NANP: variants seen among roughly 807,000 people sequenced by gnomAD.
NANP encodes N-acylneuraminate-9-phosphatase.
NANP carries 15 observed loss-of-function variants against 16.9 expected under a neutral mutation model. That is an observed-to-expected ratio of 0.89 (90% confidence interval 0.59 to 1.37). NANP has a LOEUF of 1.37. Among genes scored for constraint, NANP ranks in the 40% most tolerant of loss-of-function variants. The pLI is 0.00. For synonymous variants in NANP, 135 were observed against 112.6 expected, an observed-to-expected ratio of 1.20 and a Z score of -1.26; for missense variants, 290 against 303.5, an observed-to-expected ratio of 0.96 and a Z score of 0.33.
At position 25,623,894 on chromosome 20, in the gene NANP, C is replaced by G. The variant is rs1173093029; in HGVS notation, c.55G>C (p.Asp19His). ...VFFDLDNTLI[D>H]TAGASRRGML... ...CCTCTCCTGCTCGCCCCGGCCGTGT[C>G]GATGAGAGTGTTGTCCAAGTCAAAG... Residue 19 changes from aspartate to histidine, a missense_variant, in exon 1 of 2, where the codon GAC (aspartate) becomes CAC (histidine). By Grantham distance (81) the Asp-to-His change is moderately conservative. Transcript: ENST00000304788. The G allele has an allele frequency of 1.2e-6, 2 of 1,613,460 alleles. No homozygotes were observed. Among genetic ancestry groups the G allele is most frequent in the East Asian group, 4.5e-5 (2 of 44,848 alleles).
In NANP at chr20:25,623,955, G is replaced by C. The variant is rs367763121; in HGVS notation, c.-7C>G. The C allele has an allele frequency of 1.6e-5, 26 of 1,611,500 alleles. No individual in the cohort carries two copies. Among genetic ancestry groups the C allele is most frequent in the African/African-American group, 2.7e-5 (2 of 74,862 alleles). ...GCACGCGGCTCAGCCCCATAGCGCC[G>C]GCCGCTGGCGCGAACCGTAGCCTTG... On this transcript the variant is annotated 5_prime_UTR_variant, in exon 1 of 2. Transcript: ENST00000304788.
intron 1 of NANP, among the ~76,000 whole-genome samples, chr20:25,620,465 C>T (rs1304816894): frequency 6.6e-6 from 1 of 152,202 alleles, no homozygotes; most frequent in East Asian, 1.9e-4. Context: ...CTTCTGTCTG[C>T]TCCCTAGACC....
chr20:25,613,425 A>G lies in NANP; in HGVS notation c.*2500T>C, dbSNP rs1053299203. On this transcript the variant is annotated 3_prime_UTR_variant, in exon 2 of 2. Transcript: ENST00000304788. ...GGTATTCCAGGTGCAGTGTCCATTC[A>G]TGTCTGTTCTAGGCCCACCTCTGTA... The G allele has an allele frequency of 1.9e-5, 3 of 158,002 alleles. No homozygotes were observed. Among genetic ancestry groups the G allele is most frequent in the Non-Finnish European group, 4.2e-5 (3 of 72,192 alleles). 9.8% of individuals were successfully genotyped at this position (158,002 alleles called of 1,614,324 possible).
chr20:25,623,745 G>A, intron 1 of NANP, 114 bp downstream of exon 1: 1 of 1,062,238 alleles, frequency 9.4e-7, no homozygotes, highest in Non-Finnish European at 1.4e-6. Context: ...GTTTCAACCA[G>A]CAAGAGCGGC....
At chr20:25,621,765 G>A (rs1340500326) in intron 1 of NANP, among the ~76,000 whole-genome samples, 2 of 152,326 alleles carry the variant, frequency 1.3e-5, no homozygotes, top group East Asian at 3.9e-4. Flanking sequence ...GTGTTAGCCA[G>A]GATGGTCTCC....
At chr20:25,623,781 T>G in intron 1 of NANP, 78 bp downstream of exon 1, 1 of 1,360,500 alleles carries the variant, frequency 7.4e-7, no homozygotes. Flanking sequence ...GGAAGTGGGG[T>G]CAAGGGGAGG....
rs912990360 is a variant in NANP at position 25,613,937 on chromosome 20, T to C, written c.*1988A>G. On this transcript the variant is annotated 3_prime_UTR_variant, in exon 2 of 2. Coordinates refer to ENST00000304788, the MANE Select transcript of NANP (RefSeq NM_152667.3). ...CCCCTGCAGCACACGCCAACCAATC[T>C]ATCAGAGCAATCATGCATGTGACTA... The C allele has an allele frequency of 3.8e-5, 15 of 397,994 alleles. No individual in the cohort carries two copies. The highest frequency in any genetic ancestry group is 3.1e-4 in the African/African-American group (15 of 48,612). The allele number at this position is 397,994 out of a possible 1,614,324, so 24.7% of individuals were successfully genotyped here. A position where few individuals can be genotyped will look rare whatever the true frequency, so the allele number is the denominator to read the frequency against.
intron 1 of NANP, among the ~76,000 whole-genome samples, chr20:25,619,803 A>G (rs998685851): frequency 6.6e-6 from 1 of 152,182 alleles, no homozygotes; most frequent in Non-Finnish European, 1.5e-5. Flanking sequence ...GGGCTGGCTC[A>G]TAATCAGCTC....
At chr20:25,618,208 G>C (rs2065351233) in intron 1 of NANP, among the ~76,000 whole-genome samples, 1 of 141,546 alleles carries the variant, frequency 7.1e-6, no homozygotes, top group Non-Finnish European at 1.5e-5. Flanking sequence ...GGGGGTGGGG[G>C]AAATGCCATG....
rs142058965 is a variant in NANP, at chr20:25,619,637, C to T, written c.91-3056G>A. Among the ~76,000 whole-genome samples, 69 of 152,204 alleles carry T rather than the reference C, an allele frequency of 4.5e-4. No individual in the cohort carries two copies. The East Asian group carries it at 0.012, about 26-fold the overall frequency. Reference sequence around the variant, plus strand: ...TATACATCTCTATGAACAAATAAAGCTTTCTCAATCTCCATGTTTATCTCA... The same window carrying T: ...TATACATCTCTATGAACAAATAAAGTTTTCTCAATCTCCATGTTTATCTCA... On this transcript the variant is annotated intron_variant, in intron 1 of 1. Transcript: ENST00000304788.
In NANP at chr20:25,613,758, ACAT is replaced by A; in HGVS notation, c.*2164_*2166del. 1 of 398,532 alleles carries A rather than the reference ACAT, an allele frequency of 2.5e-6. No homozygotes were observed. Among genetic ancestry groups the A allele is most frequent in the Non-Finnish European group, 4.4e-6 (1 of 226,030 alleles). The allele number at this position is 398,532 out of a possible 1,614,324, so 24.7% of individuals were successfully genotyped here. A position where few individuals can be genotyped will look rare whatever the true frequency, so the allele number is the denominator to read the frequency against. ...TTTAATTATTCAATTTTTTCCTTCT[ACAT>A]CATTTCTGCTGGAGAACTGCTCACT... On this transcript the variant is annotated 3_prime_UTR_variant, in exon 2 of 2. Coordinates refer to ENST00000304788, the MANE Select transcript of NANP (RefSeq NM_152667.3).
chr20:25,620,393 A>T (rs1421634992), intron 1 of NANP, among the ~76,000 whole-genome samples: 1 of 152,158 alleles, frequency 6.6e-6, no homozygotes, highest in African/African-American at 2.4e-5. Flanking sequence ...CTCAAACTTC[A>T]CCCACTTCAA....
chr20:25,622,602 CGA>C (rs1249438636), intron 1 of NANP, among the ~76,000 whole-genome samples: 1 of 152,102 alleles, frequency 6.6e-6, no homozygotes, highest in African/African-American at 2.4e-5. Flanking sequence ...ACATCTGCAG[CGA>C]GAGATACTGG....
At chr20:25,622,454 T>C (rs1771816338) in intron 1 of NANP, among the ~76,000 whole-genome samples, 1 of 152,240 alleles carries the variant, frequency 6.6e-6, no homozygotes, top group South Asian at 2.1e-4. Flanking sequence ...AGCTAGGTTT[T>C]GGGAGAGCTG....
At chr20:25,623,203 G>A (rs1278249304) in intron 1 of NANP, among the ~76,000 whole-genome samples, 1 of 152,168 alleles carries the variant, frequency 6.6e-6, no homozygotes, top group Non-Finnish European at 1.5e-5. Context: ...AAGCGCCTCC[G>A]CGCGTGTAGA....
At chr20:25,620,732 C>T (rs73339379) in intron 1 of NANP, among the ~76,000 whole-genome samples, 13,408 of 152,092 alleles carry the variant, frequency 0.088, 966 homozygotes, top group African/African-American at 0.2. Context: ...AGTGTCCAAT[C>T]CAGAGATTCA....
chr20:25,613,889 G>A lies in NANP; in HGVS notation c.*2036C>T, dbSNP rs1600395983. On this transcript the variant is annotated 3_prime_UTR_variant, in exon 2 of 2. Coordinates refer to ENST00000304788, the MANE Select transcript of NANP (RefSeq NM_152667.3). The stretch of plus-strand genomic sequence containing the variant: ...ATGTGACACTGCCTACATCCATCCT[G>A]TGGGAGAGTTAAAAGGACAAGCCCC... 7.5e-6 allele frequency: 3 copies of A among 398,542 alleles called. No individual in the cohort carries two copies. Among genetic ancestry groups the A allele is most frequent in the Non-Finnish European group, 1.3e-5 (3 of 226,042 alleles). 24.7% of individuals were successfully genotyped at this position (398,542 alleles called of 1,614,324 possible). A position where few individuals can be genotyped will look rare whatever the true frequency, so the allele number is the denominator to read the frequency against.
Position 25,615,911 on chromosome 20 carries a change from C to T in NANP, c.*14G>A, listed in dbSNP as rs769888228. ...ATTGATTCTAACATTCATAATCATGCCCTTTTATGTGCTTTAAGTGGACAT... is the reference window on the plus strand; with the variant it reads ...ATTGATTCTAACATTCATAATCATGTCCTTTTATGTGCTTTAAGTGGACAT... On this transcript the variant is annotated 3_prime_UTR_variant, in exon 2 of 2. Coordinates refer to ENST00000304788, the MANE Select transcript of NANP (RefSeq NM_152667.3). The T allele has an allele frequency of 2.5e-6, 4 of 1,582,838 alleles. No homozygotes were observed. The highest frequency in any genetic ancestry group is 1.8e-5 in the Admixed American group (1 of 55,504).
rs1033975167 is a variant in NANP, at chr20:25,615,420, T to G, written c.*505A>C. ...ATGTTTTCAAAATATGCAAAATAAT[T>G]TCACTATATAATACCTTGATTTGCA... On this transcript the variant is annotated 3_prime_UTR_variant, in exon 2 of 2. Coordinates refer to ENST00000304788, the MANE Select transcript of NANP (RefSeq NM_152667.3). The G allele has an allele frequency of 6.6e-6, 1 of 152,290 alleles. No homozygotes were observed. The highest frequency in any genetic ancestry group is 2.4e-5 in the African/African-American group (1 of 41,456). 9.4% of individuals were successfully genotyped at this position (152,290 alleles called of 1,614,324 possible).
Sources: gnomAD v4.1 joint callset for allele counts (sites outside exome capture counted in the v4.1 genomes callset) on GRCh38, gnomAD v4.1.1 for gene constraint, MANE v1.5 for transcripts, NCBI Gene and HGNC (gene_info 2026-07-23, HGNC 2026-07-21) for gene names.